Variants in ERCC1 observed in about 807,000 individuals in gnomAD.
The protein encoded by ERCC1 is DNA excision repair protein ERCC-1.
ERCC1 carries 36 observed loss-of-function variants against 37.6 expected under a neutral mutation model. That is an observed-to-expected ratio of 0.96 (90% CI 0.73 to 1.26). The LOEUF (loss-of-function observed/expected upper bound fraction) is 1.26. ERCC1 is among the 50% of genes most tolerant of loss of function. ERCC1 has a pLI of 0.00. For missense variants in ERCC1, 349 were observed against 376.5 expected (o/e 0.93, Z 0.60); for synonymous variants, 156 against 162.1 (o/e 0.96, Z 0.28).
chr19:45,436,075 T>A lies in ERCC1; in HGVS notation c.-7-12694A>T, dbSNP rs182165136. Among the ~76,000 whole-genome samples, 881 of 152,108 alleles carry A rather than the reference T, an allele frequency of 5.8e-3. 6 individuals carry two copies. Among genetic ancestry groups the A allele is most frequent in the African/African-American group, 0.016 (673 of 41,484 alleles). On this transcript the variant is annotated intron_variant, in intron 1 of 8. Coordinates refer to the ERCC1 transcript ENST00000423698. ...GCCACCGTGCCCAGCCTATTTTTTTTAAAACGGGAAAAATATCTGTAAATT... is the reference window on the plus strand; with the variant it reads ...GCCACCGTGCCCAGCCTATTTTTTTAAAAACGGGAAAAATATCTGTAAATT...
intron 1 of ERCC1, among the ~76,000 whole-genome samples, chr19:45,438,802 C>T (rs560679754): frequency 1.3e-5 from 2 of 152,032 alleles, no homozygotes; most frequent in South Asian, 2.1e-4. Flanking sequence ...CCACCACGCC[C>T]GGCTAATTTT....
chr19:45,443,442 C>T (rs1975171565), intron 1 of ERCC1, among the ~76,000 whole-genome samples: 1 of 152,208 alleles, frequency 6.6e-6, no homozygotes, highest in Non-Finnish European at 1.5e-5. Flanking sequence ...ACACCCCTCC[C>T]CACCTTGGGT....
At chr19:45,431,889 C>A (rs1170833050) in intron 1 of ERCC1, among the ~76,000 whole-genome samples, 2 of 151,976 alleles carry the variant, frequency 1.3e-5, no homozygotes, top group Non-Finnish European at 2.9e-5. Flanking sequence ...GAGACCCTGC[C>A]TCAAAAAAAT....
chr19:45,425,243 T>C (rs551416917), upstream of ERCC1, among the ~76,000 whole-genome samples: 1 of 151,440 alleles, frequency 6.6e-6, no homozygotes, highest in African/African-American at 2.4e-5. Flanking sequence ...ATATATTCTA[T>C]CATTTCTTTT....
intron 9 of ERCC1, among the ~76,000 whole-genome samples, chr19:45,411,840 T>C (rs1395546345): frequency 7.0e-6 from 1 of 142,430 alleles, no homozygotes; most frequent in African/African-American, 2.8e-5. Flanking sequence ...TGGTATCTCA[T>C]TATAGTTTAT....
At chr19:45,423,024 G>C (rs1974533113) in intron 2 of ERCC1, among the ~76,000 whole-genome samples, 1 of 152,156 alleles carries the variant, frequency 6.6e-6, no homozygotes, top group African/African-American at 2.4e-5. Context: ...TGCTGGCCTC[G>C]TAAAACACAT....
intron 9 of ERCC1, chr19:45,410,849 G>C (rs920115105): frequency 2.0e-5 from 3 of 151,592 alleles, no homozygotes; most frequent in Non-Finnish European, 2.9e-5. Flanking sequence ...TTTTGAAAAG[G>C]GTCTCGCTCT....
intron 2 of ERCC1, among the ~76,000 whole-genome samples, chr19:45,422,150 C>A (rs563611174): frequency 6.6e-6 from 1 of 152,222 alleles, no homozygotes; most frequent in Admixed American, 6.5e-5. Flanking sequence ...TAACTAAGTC[C>A]TCATGTCCCT....
rs374407868 is a variant in ERCC1, at chr19:45,409,699, G to A, written c.870C>T (p.His290=). 30 of 958,468 alleles carry A rather than the reference G, an allele frequency of 3.1e-5. No individual in the cohort carries two copies. In the Middle Eastern group the frequency reaches 1.1e-3, roughly 34 times the overall value. The allele number at this position is 958,468 out of a possible 1,614,324, so 59.4% of individuals were successfully genotyped here. A position where few individuals can be genotyped will look rare whatever the true frequency, so the allele number is the denominator to read the frequency against. The change falls in exon 10 of 10, where the codon CAC becomes CAT. Residue 290 remains histidine (H), a synonymous_variant. Coordinates refer to ENST00000300853, the MANE Select transcript of ERCC1 (RefSeq NM_001983.4). ...QKARRLFDVL[H]EPFLKVP Reference sequence around the variant, plus strand: ...ATCAGGGTACTTTCAAGAAGGGCTCGTGCAGGACATCAAACAGCCTCCGGG... The same window carrying A: ...ATCAGGGTACTTTCAAGAAGGGCTCATGCAGGACATCAAACAGCCTCCGGG...
intron 5 of ERCC1, among the ~76,000 whole-genome samples, chr19:45,418,281 G>A (rs978104839): frequency 1.3e-5 from 2 of 152,128 alleles, no homozygotes; most frequent in Non-Finnish European, 2.9e-5. Flanking sequence ...TCCAGGAGGT[G>A]GAGGTTGCAG....
chr19:45,412,254 G>T (rs1010999631), intron 9 of ERCC1, among the ~76,000 whole-genome samples: 5 of 151,924 alleles, frequency 3.3e-5, no homozygotes, highest in African/African-American at 1.2e-4. Context: ...CGTCTCCCGG[G>T]TTCAAGAGAT....
rs1395553478 is a variant in ERCC1 at position 45,421,411 on chromosome 19, G to A, written c.106-18C>T. 6.3e-7 allele frequency: 1 copy of A among 1,575,646 alleles called. No homozygotes were observed. The highest frequency in any genetic ancestry group is 1.1e-5 in the South Asian group (1 of 89,164). ...GGCTTGGCCTGTGGGGAGAAAGGGA[G>A]TTTGCAGGGGACTGGTTGGGGTGAG... On this transcript the variant is annotated intron_variant, in intron 2 of 9. Coordinates refer to ENST00000300853, the MANE Select transcript of ERCC1 (RefSeq NM_001983.4).
At chr19:45,436,193 A>G (rs1318686876) in intron 1 of ERCC1, among the ~76,000 whole-genome samples, 8 of 152,028 alleles carry the variant, frequency 5.3e-5, no homozygotes, top group Non-Finnish European at 1.2e-4. Context: ...TTCCTTCCCT[A>G]TGTGGAAGGG....
At position 45,408,671 on chromosome 19, in the gene ERCC1, A is replaced by C; in HGVS notation, c.*1004T>G. On this transcript the variant is annotated 3_prime_UTR_variant, in exon 10 of 10. Transcript: ENST00000300853. ...AGCAGGGCCTGTGGGGACAGAGCCCACAGTGGAGACACTGGAGCCTCTGGG... is the reference window on the plus strand; with the variant it reads ...AGCAGGGCCTGTGGGGACAGAGCCCCCAGTGGAGACACTGGAGCCTCTGGG... 6.2e-7 allele frequency: 1 copy of C among 1,614,016 alleles called. No individual in the cohort carries two copies. Among genetic ancestry groups the C allele is most frequent in the Non-Finnish European group, 8.5e-7 (1 of 1,180,000 alleles).
chr19:45,446,529 C>T (rs1334566520), intron 1 of ERCC1, among the ~76,000 whole-genome samples: 2 of 152,146 alleles, frequency 1.3e-5, no homozygotes, highest in African/African-American at 4.8e-5. Flanking sequence ...CCTAAGGTCT[C>T]ACGGCTCAGT....
intron 7 of ERCC1, 57 bp from the exon 8 acceptor site, chr19:45,414,091 C>G (rs1300315955): frequency 1.4e-6 from 2 of 1,434,034 alleles, no homozygotes; most frequent in Non-Finnish European, 9.8e-7. Context: ...AAGACTGAGC[C>G]TAGGAGGGCA....
intron 9 of ERCC1, 174 bp from the exon 10 acceptor site, chr19:45,409,899 T>A (rs199748005): frequency 2.8e-4 from 72 of 259,378 alleles, no homozygotes; most frequent in African/African-American, 1.4e-3. Context: ...ATTATTATTT[T>A]TTTTTTTTTT....
intron 9 of ERCC1, chr19:45,410,485 G>A (rs1349304820): frequency 2.0e-5 from 3 of 151,782 alleles, no homozygotes; most frequent in Non-Finnish European, 4.4e-5. Context: ...ACCCTGCCAA[G>A]TTATTTTAAA....
intron 1 of ERCC1, among the ~76,000 whole-genome samples, chr19:45,434,994 G>T (rs1020105536): frequency 6.6e-6 from 1 of 151,788 alleles, no homozygotes; most frequent in African/African-American, 2.4e-5. Context: ...CGTTGGTCGG[G>T]CTGGTCTCAA....
Sources: gnomAD v4.1 joint callset for allele counts (sites outside exome capture counted in the v4.1 genomes callset) on GRCh38, gnomAD v4.1.1 for gene constraint, MANE v1.5 for transcripts, NCBI Gene and HGNC (gene_info 2026-07-23, HGNC 2026-07-21) for gene names.